TIAM1: variants seen among roughly 807,000 people sequenced by gnomAD.
TIAM1 encodes the protein TIAM Rac1 associated GEF 1.
In TIAM1, 65 loss-of-function variants were observed where a neutral mutation model predicts 163.5. The ratio of observed to expected loss-of-function variants is 0.40; its 90% confidence interval spans 0.33 to 0.49. The LOEUF is 0.49. Among genes scored for constraint, TIAM1 ranks in the 20% least tolerant of loss-of-function variants. The pLI is 0.77. For missense variants in TIAM1, 1,789 were observed against 2,044.7 expected (o/e 0.87, Z 2.41); for synonymous variants, 833 against 810.1 (o/e 1.03, Z -0.48).
intron 2 of TIAM1, among the ~76,000 whole-genome samples, chr21:31,432,433 C>T: frequency 6.6e-6 from 1 of 152,176 alleles, no homozygotes; most frequent in East Asian, 1.9e-4. Flanking sequence ...TGCGTTTCTA[C>T]CTCTATAATG....
intron 5 of TIAM1, among the ~76,000 whole-genome samples, chr21:31,247,002 A>AAAGCATT (rs1242397489): frequency 6.6e-6 from 1 of 152,120 alleles, no homozygotes; most frequent in Non-Finnish European, 1.5e-5. Context: ...TTCAAAGGTA[A>AAAGCATT]AGCCCTATGC....
At chr21:31,443,110 T>C (rs1326637718) in intron 2 of TIAM1, among the ~76,000 whole-genome samples, 1 of 152,212 alleles carries the variant, frequency 6.6e-6, no homozygotes, top group African/African-American at 2.4e-5. Flanking sequence ...ACTGTGGAGT[T>C]TCATTTTACA....
intron 2 of TIAM1, among the ~76,000 whole-genome samples, chr21:31,358,347 G>A (rs892188806): frequency 6.6e-6 from 1 of 152,064 alleles, no homozygotes; most frequent in African/African-American, 2.4e-5. Flanking sequence ...CCGTCTTCTT[G>A]CCTGTTTCTG....
intron 2 of TIAM1, among the ~76,000 whole-genome samples, chr21:31,424,988 G>A (rs1158817644): frequency 6.6e-6 from 1 of 151,762 alleles, no homozygotes; most frequent in African/African-American, 2.4e-5. Context: ...GGGAGGCAGA[G>A]GTTGCAGTGA....
At chr21:31,233,938 C>T (rs190324281) in intron 6 of TIAM1, among the ~76,000 whole-genome samples, 2 of 152,318 alleles carry the variant, frequency 1.3e-5, no homozygotes, top group Admixed American at 6.5e-5. Context: ...AAAGCTCAGT[C>T]GCCTCCAAGA....
intron 1 of TIAM1, among the ~76,000 whole-genome samples, chr21:31,520,615 G>A (rs2047547064): frequency 6.6e-6 from 1 of 152,190 alleles, no homozygotes; most frequent in Non-Finnish European, 1.5e-5. Flanking sequence ...CTGTGGCAAT[G>A]ACCTTCCCCA....
chr21:31,433,033 A>T (rs181818524), intron 2 of TIAM1, among the ~76,000 whole-genome samples: 197 of 152,328 alleles, frequency 1.3e-3, no homozygotes, highest in Middle Eastern at 3.4e-3. Context: ...GTATGTGGGT[A>T]TGTCTTTATC....
At chr21:31,508,297 T>C (rs1316565528) in intron 1 of TIAM1, among the ~76,000 whole-genome samples, 2 of 152,082 alleles carry the variant, frequency 1.3e-5, no homozygotes, top group South Asian at 2.1e-4. Context: ...GGGTGGAACG[T>C]AGTCCTAGGT....
At position 31,152,623 on chromosome 21, in the gene TIAM1, T is replaced by C; in HGVS notation, c.3366+13A>G. 1 of 1,613,858 alleles carries C rather than the reference T, an allele frequency of 6.2e-7. No homozygotes were observed. Among genetic ancestry groups the C allele is most frequent in the Non-Finnish European group, 8.5e-7 (1 of 1,179,914 alleles). ...TATAGCCCTGACGCTGGAGGCAGCT[T>C]TGCACTATTTACCTTAAATTGATCA... On this transcript the variant is annotated intron_variant, in intron 19 of 27. Transcript: ENST00000541036.
At chr21:31,133,203 C>T (rs1003416974) in intron 23 of TIAM1, among the ~76,000 whole-genome samples, 5 of 152,212 alleles carry the variant, frequency 3.3e-5, no homozygotes, top group African/African-American at 4.8e-5. Flanking sequence ...GTCTCTTTAA[C>T]GGCTGGGAAT....
intron 5 of TIAM1, among the ~76,000 whole-genome samples, chr21:31,247,029 G>A (rs2071537193): frequency 6.6e-6 from 1 of 152,084 alleles, no homozygotes; most frequent in African/African-American, 2.4e-5. Context: ...TTTTTTGAAA[G>A]ATAAAGTTTG....
intron 1 of TIAM1, among the ~76,000 whole-genome samples, chr21:31,497,460 A>AG (rs1259342415): frequency 7.2e-5 from 11 of 152,182 alleles, no homozygotes; most frequent in African/African-American, 2.7e-4. Context: ...AGAAGTGGAG[A>AG]GGAAAAGGTA....
At chr21:31,458,128 T>G (rs1296371156) in intron 2 of TIAM1, among the ~76,000 whole-genome samples, 1 of 152,002 alleles carries the variant, frequency 6.6e-6, no homozygotes, top group Non-Finnish European at 1.5e-5. Context: ...TGAGGTTCGA[T>G]AAAACAATCG....
At chr21:31,437,518 C>CAAAAAAAAAAAAAAAAAAA (rs2044252818) in intron 2 of TIAM1, among the ~76,000 whole-genome samples, 1 of 114,720 alleles carries the variant, frequency 8.7e-6, no homozygotes, top group African/African-American at 4.7e-5. Flanking sequence ...AAAAAAAAAG[C>CAAAAAAAAAAAAAAAAAAA]AACTACATAA....
chr21:31,245,736 T>A, intron 5 of TIAM1, 76 bp from the exon 6 acceptor site: 3 of 1,255,660 alleles, frequency 2.4e-6, no homozygotes, highest in Non-Finnish European at 3.1e-6. Context: ...GAACCTAACA[T>A]GTGCACCCTG....
At chr21:31,397,979 G>A (rs1296923279) in intron 2 of TIAM1, among the ~76,000 whole-genome samples, 1 of 151,908 alleles carries the variant, frequency 6.6e-6, no homozygotes, top group Non-Finnish European at 1.5e-5. Context: ...CTGCCCCTGT[G>A]CAGATCTGCA....
At chr21:31,184,726 T>C (rs2085198681) in intron 14 of TIAM1, among the ~76,000 whole-genome samples, 1 of 152,152 alleles carries the variant, frequency 6.6e-6, no homozygotes, top group African/African-American at 2.4e-5. Flanking sequence ...CTGTCATCTC[T>C]GCTCTTAGCT....
At chr21:31,181,917 T>G (rs1246287985) in intron 15 of TIAM1, among the ~76,000 whole-genome samples, 1 of 150,822 alleles carries the variant, frequency 6.6e-6, no homozygotes, top group Non-Finnish European at 1.5e-5. Flanking sequence ...CCCAAGTAGC[T>G]GGAACTACAG....
intron 16 of TIAM1, among the ~76,000 whole-genome samples, chr21:31,155,692 G>C (rs1471655271): frequency 2.0e-5 from 3 of 151,990 alleles, no homozygotes; most frequent in African/African-American, 4.8e-5. Flanking sequence ...TTTTAGGAGA[G>C]ACGGGATTTC....
Sources: allele counts gnomAD v4.1 joint callset (sites outside exome capture counted in the v4.1 genomes callset), GRCh38; gene constraint gnomAD v4.1.1; transcripts MANE v1.5; gene names NCBI Gene and HGNC (gene_info 2026-07-23, HGNC 2026-07-21).